The following LSM12 variants were observed in gnomAD, a reference collection of about 807,000 sequenced individuals.
The protein encoded by LSM12 is protein LSM12.
For missense variants in LSM12, 108 were observed against 238.9 expected (o/e 0.45, Z 3.61); for synonymous variants, 74 against 87.3 (o/e 0.85, Z 0.85).
At chr17:44,041,188 T>C (rs2049482473) in intron 2 of LSM12, among the ~76,000 whole-genome samples, 1 of 151,330 alleles carries the variant, frequency 6.6e-6, no homozygotes, top group South Asian at 2.1e-4. Context: ...GCAGAATCAC[T>C]TGAACACAGC....
intron 2 of LSM12, among the ~76,000 whole-genome samples, chr17:44,055,567 C>T (rs1443897638): frequency 6.7e-6 from 1 of 149,066 alleles, no homozygotes; most frequent in Non-Finnish European, 1.5e-5. Flanking sequence ...GTCCCAGCTA[C>T]TCAGGAGGCT....
intron 2 of LSM12, among the ~76,000 whole-genome samples, chr17:44,041,316 C>A (rs868140005): frequency 3.2e-4 from 46 of 145,530 alleles, no homozygotes; most frequent in African/African-American, 1.2e-3. Flanking sequence ...CACACACACA[C>A]ACACACACAC....
At chr17:44,055,676 A>AAT (rs1166841570) in intron 2 of LSM12, among the ~76,000 whole-genome samples, 13 of 146,044 alleles carry the variant, frequency 8.9e-5, no homozygotes, top group Admixed American at 4.9e-4. Context: ...CCCTGTCTCA[A>AAT]ATATATATAT....
At chr17:44,065,275 A>T (rs1311684373) in intron 1 of LSM12, among the ~76,000 whole-genome samples, 1 of 151,682 alleles carries the variant, frequency 6.6e-6, no homozygotes, top group East Asian at 1.9e-4. Context: ...TCTGTTAAAA[A>T]AAAACATATA....
chr17:44,051,734 G>A (rs2049646735), intron 2 of LSM12, among the ~76,000 whole-genome samples: 1 of 152,080 alleles, frequency 6.6e-6, no homozygotes, highest in Admixed American at 6.6e-5. Context: ...AACACTTTAG[G>A]AGGCCAAGAC....
intron 2 of LSM12, among the ~76,000 whole-genome samples, chr17:44,047,977 G>T (rs1390334646): frequency 6.7e-6 from 1 of 149,442 alleles, no homozygotes; most frequent in Non-Finnish European, 1.5e-5. Flanking sequence ...TGAGCCAGGG[G>T]TTCAAGACCA....
intron 2 of LSM12, among the ~76,000 whole-genome samples, chr17:44,042,542 G>C (rs2049508305): frequency 6.7e-6 from 1 of 148,446 alleles, no homozygotes; most frequent in South Asian, 2.2e-4. Flanking sequence ...TGGGATTACA[G>C]GTGCCCGCCA....
chr17:44,063,093 T>A (rs1208644397), intron 2 of LSM12, among the ~76,000 whole-genome samples: 1 of 151,132 alleles, frequency 6.6e-6, no homozygotes, highest in Non-Finnish European at 1.5e-5. Flanking sequence ...GCGCAGTGGC[T>A]CCAATAAAAA....
At chr17:44,046,352 A>G (rs1368152664) in intron 2 of LSM12, among the ~76,000 whole-genome samples, 1 of 152,130 alleles carries the variant, frequency 6.6e-6, no homozygotes, top group African/African-American at 2.4e-5. Context: ...TCTGGGTCAT[A>G]TGGTAAGTGT....
chr17:44,041,320 CACACACACACACAA>C (rs1237319650), intron 2 of LSM12, among the ~76,000 whole-genome samples: 155 of 146,112 alleles, frequency 1.1e-3, no homozygotes, highest in African/African-American at 3.6e-3. Flanking sequence ...CACACACACA[CACACACACACACAA>C]ACACACACAC....
At chr17:44,055,635 C>CCA (rs2049701819) in intron 2 of LSM12, among the ~76,000 whole-genome samples, 1 of 148,412 alleles carries the variant, frequency 6.7e-6, no homozygotes, top group African/African-American at 2.5e-5. Context: ...AGAGATCACA[C>CCA]CACTGCACTC....
At chr17:44,057,706 C>A (rs1191898144) in intron 2 of LSM12, among the ~76,000 whole-genome samples, 2 of 151,180 alleles carry the variant, frequency 1.3e-5, no homozygotes, top group African/African-American at 4.9e-5. Context: ...TTGCAGTGAG[C>A]TGAGACAGCA....
rs138747309 is a variant in LSM12, at chr17:44,049,925, C to G, written c.259-9669G>C. Reference sequence around the variant, plus strand: ...TTTGGGTCTTCCAACCAGCTGCCCTCACAGAGGGCTTAGGAAACACTGCAG... The same window carrying G: ...TTTGGGTCTTCCAACCAGCTGCCCTGACAGAGGGCTTAGGAAACACTGCAG... On this transcript the variant is annotated intron_variant, in intron 2 of 4. Transcript: ENST00000293406. Among the ~76,000 whole-genome samples, 18 of 152,252 alleles carry G rather than the reference C, an allele frequency of 1.2e-4. No individual in the cohort carries two copies. In the East Asian group the frequency reaches 3.5e-3, roughly 29 times the overall value.
intron 2 of LSM12, among the ~76,000 whole-genome samples, chr17:44,054,560 CCT>C (rs1269133982): frequency 6.6e-6 from 1 of 152,190 alleles, no homozygotes; most frequent in Admixed American, 6.6e-5. Context: ...CCCACCTCAA[CCT>C]CCCAAAGTGC....
chr17:44,047,115 G>A (rs933534555), intron 2 of LSM12, among the ~76,000 whole-genome samples: 2 of 152,188 alleles, frequency 1.3e-5, no homozygotes, highest in Non-Finnish European at 2.9e-5. Context: ...TTTAGCAGAA[G>A]TATAGCAGTT....
chr17:44,046,877 C>T (rs1315813068), intron 2 of LSM12, among the ~76,000 whole-genome samples: 1 of 150,266 alleles, frequency 6.7e-6, no homozygotes, highest in African/African-American at 2.4e-5. Context: ...ATTACAGGCG[C>T]CCGCCACCAC....
chr17:44,036,341 G>A (rs764165364), intron 4 of LSM12, 41 bp from the exon 5 acceptor site: 30 of 1,612,144 alleles, frequency 1.9e-5, no homozygotes, highest in East Asian at 1.6e-4. Context: ...AAGGAGATGC[G>A]GAAGAAAGGT....
chr17:44,058,939 G>A (rs2049758435), intron 2 of LSM12, among the ~76,000 whole-genome samples: 1 of 151,952 alleles, frequency 6.6e-6, no homozygotes, highest in Non-Finnish European at 1.5e-5. Context: ...GGAGGTCGAG[G>A]CTGCGGTGAG....
At position 44,063,927 on chromosome 17, in the gene LSM12, G is replaced by T; in HGVS notation, c.132C>A (p.Pro44=). The T allele has an allele frequency of 1.2e-6, 2 of 1,612,722 alleles. No individual in the cohort carries two copies. Among genetic ancestry groups the T allele is most frequent in the East Asian group, 2.2e-5 (1 of 44,858 alleles). Residue 44 remains proline, a synonymous_variant, in exon 2 of 5, where the codon CCC becomes CCA. Transcript: ENST00000293406. ...CATGGTTGGGCTTTCCACTGGAAGAGGGACATTCTGGTGAGAAAAAAAAAA... is the reference window on the plus strand; with the variant it reads ...CATGGTTGGGCTTTCCACTGGAAGATGGACATTCTGGTGAGAAAAAAAAAA... The part of the protein sequence containing the change: ...YQSKMLALKC[P]SSSGKPNHAD...
Sources: gnomAD v4.1 joint callset for allele counts (sites outside exome capture counted in the v4.1 genomes callset) on GRCh38, gnomAD v4.1.1 for gene constraint, MANE v1.5 for transcripts, NCBI Gene and HGNC (gene_info 2026-07-23, HGNC 2026-07-21) for gene names.